The following ZBTB16 variants were observed in gnomAD, a reference collection of about 807,000 sequenced individuals.
ZBTB16 encodes zinc finger and BTB domain-containing protein 16.
A neutral mutation model predicts 56.8 loss-of-function variants in ZBTB16; 8 were observed. The observed-to-expected ratio is 0.14, with a 90% CI of 0.08 to 0.25. The LOEUF is 0.25. Among genes scored for constraint, ZBTB16 ranks in the 10% least tolerant of loss-of-function variants. The pLI, the probability that ZBTB16 is intolerant of heterozygous loss-of-function variation, is 1.00. For synonymous variants in ZBTB16, 363 were observed against 368.5 expected, an observed-to-expected ratio of 0.98 and a Z score of 0.17; for missense variants, 625 against 903.0, an observed-to-expected ratio of 0.69 and a Z score of 3.95.
chr11:114,128,223 T>TG (rs1047455938), intron 2 of ZBTB16, among the ~76,000 whole-genome samples: 8 of 152,166 alleles, frequency 5.3e-5, no homozygotes, highest in African/African-American at 1.9e-4. Context: ...TAGGAGAGCC[T>TG]GGGGGGGATC....
chr11:114,156,566 T>A, intron 3 of ZBTB16, 132 bp downstream of exon 3: 1 of 841,492 alleles, frequency 1.2e-6, no homozygotes, highest in Admixed American at 2.0e-5. Context: ...TCTTGTTCCC[T>A]GGACCCTCCC....
intron 3 of ZBTB16, among the ~76,000 whole-genome samples, chr11:114,164,255 T>C (rs941902170): frequency 1.3e-5 from 2 of 152,164 alleles, no homozygotes; most frequent in Non-Finnish European, 2.9e-5. Flanking sequence ...AATTATGTAA[T>C]AACCTTCTTC....
chr11:114,148,469 C>CTTTCTTTCTTTCTTTCAT (rs1555144001), intron 2 of ZBTB16, among the ~76,000 whole-genome samples: 1 of 60,904 alleles, frequency 1.6e-5, no homozygotes, highest in Non-Finnish European at 3.5e-5. Flanking sequence ...CTCTCTCTCT[C>CTTTCTTTCTTTCTTTCAT]TCTTTCTTTC....
intron 2 of ZBTB16, among the ~76,000 whole-genome samples, chr11:114,135,614 C>A (rs1376148167): frequency 6.6e-6 from 1 of 152,178 alleles, no homozygotes; most frequent in East Asian, 1.9e-4. Context: ...CCAGAAGCCA[C>A]AAAGCCCTGC....
At chr11:114,178,323 A>G (rs1214909450) in intron 3 of ZBTB16, among the ~76,000 whole-genome samples, 1 of 152,182 alleles carries the variant, frequency 6.6e-6, no homozygotes, top group East Asian at 1.9e-4. Flanking sequence ...CACTTTACAT[A>G]TATTATTTAA....
At position 114,236,721 on chromosome 11, in the gene ZBTB16, C is replaced by A. The variant is rs1233275171; in HGVS notation, c.1454-5446C>A. ...TACCCTTTGTGATTGTCTTACAACCCCTTATTTATTTTCTAATTCAACATG... is the reference window on the plus strand; with the variant it reads ...TACCCTTTGTGATTGTCTTACAACCACTTATTTATTTTCTAATTCAACATG... On this transcript the variant is annotated intron_variant, in intron 4 of 6. Transcript: ENST00000335953. 5.9e-5 allele frequency among the ~76,000 whole-genome samples: 9 copies of A among 152,168 alleles called. No homozygotes were observed. The South Asian group carries it at 1.9e-3, about 31-fold the overall frequency.
Position 114,235,693 on chromosome 11 carries a change from T to TCTTTCTTTCTTTCTTTCTA in ZBTB16, c.1454-6474_1454-6473insCTTTCTTTCTTTCTTTCTA, listed in dbSNP as rs10669266. 1.1e-3 allele frequency among the ~76,000 whole-genome samples: 125 copies of TCTTTCTTTCTTTCTTTCTA among 114,374 alleles called. 2 individuals are homozygous for TCTTTCTTTCTTTCTTTCTA. The highest frequency in any genetic ancestry group is 8.9e-3 in the Middle Eastern group (2 of 224). The allele number at this position is 114,374 out of a possible 152,430, so 75.0% of individuals were successfully genotyped here. ...TTCTTTCTTTCTTTCTTTCTTTCTTTTCTTTCTTTCTTTTCTTTCTTTCTT... is the reference window on the plus strand; with the variant it reads ...TTCTTTCTTTCTTTCTTTCTTTCTTTCTTTCTTTCTTTCTTTCTATCTTTCTTTCTTTTCTTTCTTTCTT... On this transcript the variant is annotated intron_variant, in intron 4 of 6. Transcript: ENST00000335953.
intron 2 of ZBTB16, among the ~76,000 whole-genome samples, chr11:114,136,787 C>T (rs560081247): frequency 6.6e-6 from 1 of 152,200 alleles, no homozygotes; most frequent in South Asian, 2.1e-4. Context: ...TTTGGGGCTT[C>T]CATTTTATTT....
At chr11:114,241,805 G>C (rs1213192686) in intron 4 of ZBTB16, among the ~76,000 whole-genome samples, 1 of 152,106 alleles carries the variant, frequency 6.6e-6, no homozygotes, top group African/African-American at 2.4e-5. Context: ...GGTCTACCTT[G>C]CCTCCCCCAC....
At chr11:114,249,970 C>G (rs1944890411) in intron 6 of ZBTB16, among the ~76,000 whole-genome samples, 1 of 152,006 alleles carries the variant, frequency 6.6e-6, no homozygotes, top group Non-Finnish European at 1.5e-5. Context: ...CTTTCTCTTT[C>G]TAGACACCCA....
chr11:114,098,500 G>C (rs1402355490), intron 2 of ZBTB16, among the ~76,000 whole-genome samples: 1 of 150,508 alleles, frequency 6.6e-6, no homozygotes, highest in Non-Finnish European at 1.5e-5. Context: ...ATCTTTTTTG[G>C]TGTTTTGCAG....
intron 2 of ZBTB16, among the ~76,000 whole-genome samples, chr11:114,088,600 C>T (rs1296438212): frequency 6.6e-6 from 1 of 152,162 alleles, no homozygotes; most frequent in Non-Finnish European, 1.5e-5. Context: ...TTCAGTACCT[C>T]TTGCTGGCTT....
intron 3 of ZBTB16, among the ~76,000 whole-genome samples, chr11:114,157,116 C>T (rs902089508): frequency 7.2e-5 from 11 of 152,132 alleles, no homozygotes; most frequent in Admixed American, 7.2e-4. Flanking sequence ...AATTCCCTTG[C>T]CTTCCAACCT....
chr11:114,256,270 C>CTTG lies in ZBTB16; in HGVS notation c.*5718_*5720dup, dbSNP rs543846634. Among the ~76,000 whole-genome samples the CTTG allele has an allele frequency of 1.3e-4, 20 of 152,302 alleles. No individual in the cohort carries two copies. In the East Asian group the frequency reaches 3.7e-3, roughly 28 times the overall value. ...CTTGGTACAATGTGCTAGGTAGGCACTTGTTCACTTATTCAGCAAGACCAC... is the reference window on the plus strand; with the variant it reads ...CTTGGTACAATGTGCTAGGTAGGCACTTGTTGTTCACTTATTCAGCAAGACCAC... On this transcript the variant is annotated 3_prime_UTR_variant, in exon 7 of 7. Coordinates refer to ENST00000335953, the MANE Select transcript of ZBTB16 (RefSeq NM_006006.6).
At chr11:114,117,960 A>G (rs1203390929) in intron 2 of ZBTB16, among the ~76,000 whole-genome samples, 4 of 152,176 alleles carry the variant, frequency 2.6e-5, no homozygotes, top group Admixed American at 6.5e-5. Context: ...TTCGTGAGCT[A>G]TAAACTCTTC....
At chr11:114,203,950 G>C (rs963381717) in intron 4 of ZBTB16, among the ~76,000 whole-genome samples, 1 of 152,100 alleles carries the variant, frequency 6.6e-6, no homozygotes, top group Non-Finnish European at 1.5e-5. Flanking sequence ...GAGGAGACGG[G>C]GTAGTTGCGT....
intron 4 of ZBTB16, among the ~76,000 whole-genome samples, chr11:114,230,366 C>T (rs1425074738): frequency 1.3e-5 from 2 of 152,278 alleles, no homozygotes; most frequent in Middle Eastern, 3.4e-3. Context: ...TGCCCTCATT[C>T]TTGGTATCTA....
intron 3 of ZBTB16, among the ~76,000 whole-genome samples, chr11:114,158,825 G>T (rs1264563599): frequency 1.3e-5 from 2 of 152,208 alleles, no homozygotes; most frequent in Non-Finnish European, 2.9e-5. Flanking sequence ...ACACTGCCTG[G>T]CACATTATTG....
At chr11:114,098,387 G>A (rs1940493391) in intron 2 of ZBTB16, among the ~76,000 whole-genome samples, 1 of 152,068 alleles carries the variant, frequency 6.6e-6, no homozygotes. Context: ...GCGTAAGTTT[G>A]GCATTTCTAG....
Sources: gnomAD v4.1 joint callset for allele counts (sites outside exome capture counted in the v4.1 genomes callset) on GRCh38, gnomAD v4.1.1 for gene constraint, MANE v1.5 for transcripts, NCBI Gene and HGNC (gene_info 2026-07-23, HGNC 2026-07-21) for gene names.